Variants in TSTD2 observed in about 807,000 individuals in gnomAD.
TSTD2 encodes the protein thiosulfate sulfurtransferase like domain containing 2.
Under a neutral mutation model 47.9 loss-of-function variants are expected in TSTD2, and 37 were observed. The ratio of observed to expected loss-of-function variants is 0.77; its 90% CI spans 0.59 to 1.02. The LOEUF (loss-of-function observed/expected upper bound fraction) is 1.02, where lower values mean the gene tolerates loss of function less well. Among genes scored for constraint, TSTD2 ranks in the 50% least tolerant of loss-of-function variants. TSTD2 has a pLI of 0.00. For synonymous variants in TSTD2, 201 were observed against 215.9 expected (o/e 0.93, Z 0.61); for missense variants, 586 against 616.0 (o/e 0.95, Z 0.52).
chr9:97,623,935 A>C (rs1394413786), intron 3 of TSTD2, among the ~76,000 whole-genome samples: 1 of 152,198 alleles, frequency 6.6e-6, no homozygotes, highest in African/African-American at 2.4e-5. Context: ...GTCTTTGGCT[A>C]TATATAGTAT....
chr9:97,626,658 G>T (rs973353869), intron 2 of TSTD2, among the ~76,000 whole-genome samples: 5 of 152,090 alleles, frequency 3.3e-5, no homozygotes, highest in African/African-American at 1.2e-4. Flanking sequence ...GCAATTAAAA[G>T]CCATGTTGAA....
At chr9:97,623,994 T>A (rs1826679377) in intron 3 of TSTD2, among the ~76,000 whole-genome samples, 1 of 152,200 alleles carries the variant, frequency 6.6e-6, no homozygotes. Context: ...GCCTTAAGGA[T>A]CTAGCTGTTG....
chr9:97,632,798 TAAGA>T (rs1231311747), intron 1 of TSTD2, among the ~76,000 whole-genome samples: 4 of 152,148 alleles, frequency 2.6e-5, no homozygotes, highest in African/African-American at 9.7e-5. Flanking sequence ...GGAAAAGAGC[TAAGA>T]AAGACTCTAA....
chr9:97,604,688 CTTCA>C, intron 9 of TSTD2, 35 bp downstream of exon 9: 1 of 1,612,240 alleles, frequency 6.2e-7, no homozygotes, highest in Admixed American at 1.7e-5. Context: ...TGACAATGTG[CTTCA>C]TTTCAGTTTG....
At chr9:97,609,481 C>T (rs1826421981) in intron 6 of TSTD2, among the ~76,000 whole-genome samples, 1 of 152,108 alleles carries the variant, frequency 6.6e-6, no homozygotes, top group Admixed American at 6.6e-5. Flanking sequence ...TTGAAAGACA[C>T]TTAAAGAGAC....
chr9:97,628,428 T>C (rs1039888798), intron 1 of TSTD2, among the ~76,000 whole-genome samples: 1 of 152,114 alleles, frequency 6.6e-6, no homozygotes, highest in African/African-American at 2.4e-5. Context: ...GAGTTCTAAA[T>C]CTCTCTTGTG....
intron 4 of TSTD2, among the ~76,000 whole-genome samples, chr9:97,613,254 A>G (rs1433516648): frequency 2.0e-5 from 3 of 152,200 alleles, no homozygotes; most frequent in Non-Finnish European, 4.4e-5. Flanking sequence ...GGTATACATG[A>G]GCATGTATCT....
intron 5 of TSTD2, 152 bp downstream of exon 5, chr9:97,611,422 A>G (rs533506907): frequency 1.7e-5 from 15 of 888,280 alleles, no homozygotes; most frequent in African/African-American, 3.4e-5. Context: ...GTCAAAAAAC[A>G]AAACAAAAAA....
At chr9:97,618,013 T>G in intron 3 of TSTD2, 136 bp from the exon 4 acceptor site, 4 of 1,208,626 alleles carry the variant, frequency 3.3e-6, no homozygotes, top group Non-Finnish European at 4.5e-6. Flanking sequence ...GTGATGATTG[T>G]TCTCCTCCTG....
At chr9:97,628,061 C>T (rs966160032) in intron 1 of TSTD2, among the ~76,000 whole-genome samples, 2 of 152,150 alleles carry the variant, frequency 1.3e-5, no homozygotes, top group African/African-American at 4.8e-5. Context: ...GTAAATAATA[C>T]CAGAAAAGCA....
chr9:97,602,716 G>T lies in TSTD2; in HGVS notation c.1304C>A (p.Pro435His). 6.2e-7 allele frequency: 1 copy of T among 1,614,174 alleles called. No homozygotes were observed. The highest frequency in any genetic ancestry group is 8.5e-7 in the Non-Finnish European group (1 of 1,180,030). The change falls in exon 10 of 10, where the codon CCC (proline) becomes CAC (histidine). Residue 435 changes from proline (P) to histidine (H), a missense_variant. Physicochemically the swap from Pro to His is moderately conservative, Grantham distance 77. Transcript: ENST00000341170. ...GGTCAAAACGAGCTGGCGGCACTGG[G>T]GAGTAGAGCAGAGTTTATACTGGTC... Reference protein sequence around the residue: ...RWDQYKLCSTPQCRQLVLTCP... With the variant: ...RWDQYKLCSTHQCRQLVLTCP...
intron 3 of TSTD2, among the ~76,000 whole-genome samples, chr9:97,619,488 T>C (rs549705050): frequency 1.1e-4 from 16 of 152,218 alleles, no homozygotes; most frequent in African/African-American, 3.1e-4. Flanking sequence ...GAATAGTAAA[T>C]ATGTATTACG....
chr9:97,614,975 G>GT (rs1167616189), intron 4 of TSTD2, among the ~76,000 whole-genome samples: 1 of 152,168 alleles, frequency 6.6e-6, no homozygotes, highest in African/African-American at 2.4e-5. Flanking sequence ...CCCAATCAGT[G>GT]TAAGAGTCAG....
At position 97,605,490 on chromosome 9, in the gene TSTD2, T is replaced by C; in HGVS notation, c.1106A>G (p.Lys369Arg). Residue 369 changes from lysine (K) to arginine (R), a missense_variant, in exon 8 of 10, where the codon AAA becomes AGA. Physicochemically the swap from Lys to Arg is conservative, Grantham distance 26. Coordinates refer to ENST00000341170, the MANE Select transcript of TSTD2 (RefSeq NM_139246.5). ...CCCGGGGTGGTGGCTCACCTTGGCT[T>C]TGAGGTAGGCTGAACCCCGCTCACA... The part of the protein sequence containing the change: ...IRCERGSAYL[K>R]AKGVCKEVFQ... 1 of 1,613,566 alleles carries C rather than the reference T, an allele frequency of 6.2e-7. No homozygotes were observed. Among genetic ancestry groups the C allele is most frequent in the South Asian group, 1.1e-5 (1 of 91,048 alleles).
intron 9 of TSTD2, chr9:97,603,094 C>T (rs1398486086): frequency 7.9e-6 from 2 of 253,622 alleles, no homozygotes; most frequent in African/African-American, 4.6e-5. Context: ...TGGCCAACTA[C>T]CTCCCAACCC....
At chr9:97,608,776 C>T (rs768595149) in intron 6 of TSTD2, among the ~76,000 whole-genome samples, 10 of 152,196 alleles carry the variant, frequency 6.6e-5, no homozygotes, top group Non-Finnish European at 1.2e-4. Context: ...AAGATGGGAA[C>T]AGTAAGCAGA....
Position 97,604,855 on chromosome 9 carries a change from T to C in TSTD2, c.1124A>G (p.Lys375Arg), listed in dbSNP as rs143294226. 13 of 1,613,876 alleles carry C rather than the reference T, an allele frequency of 8.1e-6. No individual in the cohort carries two copies. The highest frequency in any genetic ancestry group is 6.7e-5 in the African/African-American group (5 of 74,884). Residue 375 changes from lysine (K) to arginine (R), a missense_variant, in exon 9 of 10, where the codon AAG (lysine) becomes AGG (arginine). By Grantham distance (26) the Lys-to-Arg change is conservative. Transcript: ENST00000341170. ...GCCACCCTTGAGCTGGAACACCTCC[T>C]TGCACACTCCCTAGGTGTGGAAAAA... ...SAYLKAKGVC[K>R]EVFQLKGGIH...
chr9:97,620,583 T>C (rs1826618379), intron 3 of TSTD2, among the ~76,000 whole-genome samples: 1 of 152,224 alleles, frequency 6.6e-6, no homozygotes, highest in African/African-American at 2.4e-5. Flanking sequence ...CCCTAGAGAC[T>C]TGTTGAATGG....
intron 6 of TSTD2, 137 bp from the exon 7 acceptor site, chr9:97,606,398 G>A: frequency 1.7e-6 from 1 of 584,472 alleles, no homozygotes; most frequent in Admixed American, 3.1e-5. Context: ...ACAACTGTCT[G>A]AAAAGAACAC....
Sources: gnomAD v4.1 joint callset for allele counts (sites outside exome capture counted in the v4.1 genomes callset) on GRCh38, gnomAD v4.1.1 for gene constraint, MANE v1.5 for transcripts, NCBI Gene and HGNC (gene_info 2026-07-23, HGNC 2026-07-21) for gene names.